Variants in DST observed in about 807,000 individuals in gnomAD.
DST encodes the protein dystonin, also known as bullous pemphigoid antigen.
DST carries 253 observed loss-of-function variants against 875.2 expected under a neutral mutation model. The observed-to-expected ratio is 0.29, with a 90% CI of 0.26 to 0.32. DST has a LOEUF of 0.32. Ranked by LOEUF, DST falls within the 10% of genes least tolerant of loss-of-function variation. The pLI is 1.00. For missense variants in DST, 8,287 were observed against 9,111.6 expected (o/e 0.91, Z 3.68); for synonymous variants, 3,124 against 3,197.1 (o/e 0.98, Z 0.77).
chr6:56,674,424 A>G (rs557806625), intron 9 of DST, among the ~76,000 whole-genome samples: 2 of 152,130 alleles, frequency 1.3e-5, no homozygotes, highest in East Asian at 3.9e-4. Context: ...CAGCCTCCCA[A>G]GTAGCTGGGA....
intron 29 of DST, 30 bp downstream of exon 29, chr6:56,631,853 T>C (rs982952913): frequency 6.2e-7 from 1 of 1,608,790 alleles, no homozygotes. Context: ...AGAGAGTTAG[T>C]TTTTTTCCCA....
chr6:56,938,166 C>T (rs975234267), intron 2 of DST, among the ~76,000 whole-genome samples: 8 of 150,562 alleles, frequency 5.3e-5, no homozygotes, highest in South Asian at 2.1e-4. Context: ...TAGATTCTTG[C>T]TCTGTTGCCT....
Position 56,881,004 on chromosome 6 carries a change from C to T in DST, c.417+19417G>A, listed in dbSNP as rs185086327. On this transcript the variant is annotated intron_variant, in intron 3 of 103. Coordinates refer to ENST00000680361, the MANE Select transcript of DST (RefSeq NM_001374736.1). Reference sequence around the variant, plus strand: ...CTGGGACTACAGTCGCCCACCACCACGCCCGGCTAATTTTTTGTATTTTTT... The same window carrying T: ...CTGGGACTACAGTCGCCCACCACCATGCCCGGCTAATTTTTTGTATTTTTT... Among the ~76,000 whole-genome samples the T allele has an allele frequency of 3.5e-3, 524 of 151,584 alleles. 1 individual carries two copies. The highest frequency in any genetic ancestry group is 0.012 in the African/African-American group (480 of 41,426).
intron 4 of DST, among the ~76,000 whole-genome samples, chr6:56,762,024 A>G: frequency 7.2e-6 from 1 of 138,472 alleles, no homozygotes; most frequent in South Asian, 2.1e-4. Flanking sequence ...AGACTCCAGA[A>G]ATGTTTTTTT....
intron 5 of DST, among the ~76,000 whole-genome samples, chr6:56,717,182 CAAAT>C (rs35485370): frequency 0.021 from 2,979 of 142,724 alleles, 46 homozygotes; most frequent in South Asian, 0.069. Context: ...GACTCCGTCT[CAAAT>C]AAATAAATAA....
At position 56,471,178 on chromosome 6, in the gene DST, A is replaced by G. The variant is rs1322846419; in HGVS notation, c.22249T>C (p.Phe7417Leu). The G allele has an allele frequency of 6.2e-7, 1 of 1,609,118 alleles. No homozygotes were observed. The highest frequency in any genetic ancestry group is 8.5e-7 in the Non-Finnish European group (1 of 1,177,456). ...NHKKSRVMDF[F>L]RRIDKDQDGK... ...TCCTGGTCTTTATCAATTCTCCTGA[A>G]GAAGTCCATCACTCGAGATTTCTTG... is the stretch of plus-strand genomic sequence containing the variant. The change falls in exon 95 of 104, where the codon TTC (phenylalanine) becomes CTC (leucine). Residue 7417 changes from phenylalanine (F) to leucine (L), a missense_variant. This residue lies in a region of DST where 87 missense variants were observed against 209.7 expected (regional missense o/e 0.41). Transcript: ENST00000680361.
chr6:56,701,998 GT>G (rs1242743091), intron 7 of DST, 33 bp from the exon 8 acceptor site: 51 of 1,328,484 alleles, frequency 3.8e-5, no homozygotes, highest in African/African-American at 5.8e-5. Context: ...ATGAAAAAGA[GT>G]TTCTGTTATC....
intron 94 of DST, 127 bp downstream of exon 94, chr6:56,471,932 T>A (rs1200902138): frequency 7.5e-6 from 7 of 930,256 alleles, no homozygotes; most frequent in Non-Finnish European, 1.2e-5. Flanking sequence ...TTTAAAAATG[T>A]ACTCAAATAG....
At chr6:56,541,855 GC>G (rs1169560679) in intron 61 of DST, among the ~76,000 whole-genome samples, 1 of 152,088 alleles carries the variant, frequency 6.6e-6, no homozygotes, top group Admixed American at 6.5e-5. Context: ...ACCTTTCCCA[GC>G]TCCCAAAGTC....
At chr6:56,626,042 G>A (rs7775134) in intron 34 of DST, among the ~76,000 whole-genome samples, 20,082 of 148,816 alleles carry the variant, frequency 0.13, 3,055 homozygotes, top group African/African-American at 0.38. Flanking sequence ...AAAGAAAGAA[G>A]ATGCTTTTGT....
chr6:56,488,711 T>C (rs1269881670), intron 86 of DST, among the ~76,000 whole-genome samples: 1 of 152,200 alleles, frequency 6.6e-6, no homozygotes, highest in African/African-American at 2.4e-5. Context: ...ATAATTTATA[T>C]GTACGTGCCT....
chr6:56,516,994 A>G lies in DST; in HGVS notation c.18357+204T>C, dbSNP rs2096606349. ...CTTAATAGCCTTTGTGCCTATTCAA[A>G]AAGATTGTCCTCATAGTGATTCTCT... On this transcript the variant is annotated intron_variant, in intron 71 of 103. Coordinates refer to ENST00000680361, the MANE Select transcript of DST (RefSeq NM_001374736.1). Among the ~76,000 whole-genome samples, 3 of 152,198 alleles carry G rather than the reference A, an allele frequency of 2.0e-5. No individual in the cohort carries two copies. In the South Asian group the frequency reaches 6.2e-4, roughly 32 times the overall value.
rs2096428525 is a variant in DST at position 56,509,739 on chromosome 6, G to A, written c.18915C>T (p.Asp6305=). The change falls in exon 74 of 104, where the codon GAC becomes GAT. Residue 6305 remains aspartate, a synonymous_variant. Coordinates refer to ENST00000680361, the MANE Select transcript of DST (RefSeq NM_001374736.1). ...CATACAACGGCTGTAGCTTTTCCATGTCTACTGACACATTCTTATTTTCAC... is the reference window on the plus strand; with the variant it reads ...CATACAACGGCTGTAGCTTTTCCATATCTACTGACACATTCTTATTTTCAC... ...QISENKNVSV[D]MEKLQPLYET... is the part of the protein sequence containing the mutation. 1.2e-6 allele frequency: 2 copies of A among 1,613,490 alleles called. No homozygotes were observed. The highest frequency in any genetic ancestry group is 1.7e-6 in the Non-Finnish European group (2 of 1,179,690).
At chr6:56,470,800 A>G (rs2094849211) in intron 95 of DST, among the ~76,000 whole-genome samples, 1 of 151,344 alleles carries the variant, frequency 6.6e-6, no homozygotes, top group East Asian at 1.9e-4. Flanking sequence ...ACACACACAC[A>G]CACACACACA....
intron 78 of DST, among the ~76,000 whole-genome samples, chr6:56,503,627 A>ACACACACACACC (rs1478684126): frequency 8.7e-5 from 13 of 149,548 alleles, no homozygotes; most frequent in East Asian, 2.0e-4. Flanking sequence ...ACACACACAC[A>ACACACACACACC]CCCCATGTCC....
chr6:56,467,954 T>C (rs1020165225), intron 98 of DST, among the ~76,000 whole-genome samples: 8 of 152,148 alleles, frequency 5.3e-5, no homozygotes, highest in Non-Finnish European at 1.5e-5. Flanking sequence ...AAAAGTAACA[T>C]TTCAGTATTA....
At chr6:56,571,121 C>A (rs1219479383) in intron 53 of DST, among the ~76,000 whole-genome samples, 1 of 152,198 alleles carries the variant, frequency 6.6e-6, no homozygotes, top group Admixed American at 6.5e-5. Context: ...GTATGCTCTG[C>A]ACCACGGAGG....
intron 49 of DST, among the ~76,000 whole-genome samples, chr6:56,582,166 T>C (rs960532427): frequency 2.8e-4 from 42 of 152,318 alleles, no homozygotes; most frequent in Middle Eastern, 3.4e-3. Context: ...TAATGTGTTC[T>C]ACCTAAAATA....
At chr6:56,473,005 C>A (rs2094971901) in intron 93 of DST, among the ~76,000 whole-genome samples, 1 of 152,190 alleles carries the variant, frequency 6.6e-6, no homozygotes, top group Non-Finnish European at 1.5e-5. Flanking sequence ...AATACTTGAG[C>A]ATTTAACTAT....
Sources: allele counts gnomAD v4.1 joint callset (sites outside exome capture counted in the v4.1 genomes callset), GRCh38; gene constraint gnomAD v4.1.1; regional missense constraint gnomAD v4.1.1; transcripts MANE v1.5; gene names NCBI Gene and HGNC (gene_info 2026-07-23, HGNC 2026-07-21).